Variants in CDC42BPA observed in about 807,000 individuals in gnomAD.
CDC42BPA encodes serine/threonine-protein kinase MRCK alpha.
In CDC42BPA, 80 loss-of-function variants were observed where a neutral mutation model predicts 223.5. That is an observed-to-expected ratio of 0.36 (90% confidence interval 0.30 to 0.43). CDC42BPA has a LOEUF of 0.43. Ranked by LOEUF, CDC42BPA falls within the 20% of genes least tolerant of loss-of-function variation. The pLI is 1.00. For synonymous variants in CDC42BPA, 694 were observed against 718.6 expected, an observed-to-expected ratio of 0.97 and a Z score of 0.55; for missense variants, 1,743 against 2,099.9, an observed-to-expected ratio of 0.83 and a Z score of 3.32.
intron 34 of CDC42BPA, among the ~76,000 whole-genome samples, chr1:227,010,485 T>C (rs1664959345): frequency 1.3e-5 from 2 of 152,214 alleles, no homozygotes; most frequent in Non-Finnish European, 2.9e-5. Context: ...AACATTTCAC[T>C]GAATTGAACT....
intron 5 of CDC42BPA, among the ~76,000 whole-genome samples, chr1:227,171,553 G>C (rs140753521): frequency 4.6e-5 from 7 of 152,214 alleles, no homozygotes; most frequent in Non-Finnish European, 7.4e-5. Flanking sequence ...GGAGGTCAAA[G>C]CTGTAGTGAG....
rs1183824259 is a variant in CDC42BPA, at chr1:226,991,512, CT to C, written c.*2755del. ...AAAACCCTCCCCAAAACTATTCCCC[CT>C]GGCAGTGTTTCTCTCCTAAAGCCCT... On this transcript the variant is annotated 3_prime_UTR_variant, in exon 37 of 37. Transcript: ENST00000366766. 5.3e-5 allele frequency: 8 copies of C among 152,212 alleles called. No homozygotes were observed. Among genetic ancestry groups the C allele is most frequent in the African/African-American group, 1.4e-4 (6 of 41,434 alleles). 9.4% of individuals were successfully genotyped at this position (152,212 alleles called of 1,614,324 possible). A position where few individuals can be genotyped will look rare whatever the true frequency, so the allele number is the denominator to read the frequency against.
At chr1:227,223,863 A>G (rs966275619) in intron 2 of CDC42BPA, among the ~76,000 whole-genome samples, 1 of 152,224 alleles carries the variant, frequency 6.6e-6, no homozygotes, top group Non-Finnish European at 1.5e-5. Context: ...TCACGCAGTC[A>G]TGAGGGCAAA....
intron 11 of CDC42BPA, among the ~76,000 whole-genome samples, chr1:227,128,607 T>C (rs1002884346): frequency 1.8e-4 from 28 of 152,198 alleles, no homozygotes; most frequent in African/African-American, 6.3e-4. Context: ...ATAATAGGTA[T>C]ACGAACACTT....
At chr1:227,138,592 T>G (rs1659099020) in intron 10 of CDC42BPA, among the ~76,000 whole-genome samples, 2 of 149,160 alleles carry the variant, frequency 1.3e-5, no homozygotes. Context: ...TGCTGATAGG[T>G]TAAAAGGTGA....
At chr1:227,051,307 A>G (rs1161680986) in intron 22 of CDC42BPA, among the ~76,000 whole-genome samples, 1 of 152,212 alleles carries the variant, frequency 6.6e-6, no homozygotes, top group Non-Finnish European at 1.5e-5. Context: ...TGACTTGTGG[A>G]AGAAATGATC....
chr1:227,292,780 C>T (rs1015496595), intron 1 of CDC42BPA, among the ~76,000 whole-genome samples: 5 of 152,164 alleles, frequency 3.3e-5, no homozygotes, highest in Non-Finnish European at 5.9e-5. Flanking sequence ...ACAAGGTAGA[C>T]ATTCAATAAT....
At chr1:227,178,156 C>CTGTG (rs1667287774) in intron 5 of CDC42BPA, among the ~76,000 whole-genome samples, 2 of 152,208 alleles carry the variant, frequency 1.3e-5, no homozygotes, top group Admixed American at 6.5e-5. Context: ...TGGTTTAGCT[C>CTGTG]TGTGTCCCCA....
intron 1 of CDC42BPA, among the ~76,000 whole-genome samples, chr1:227,273,227 G>C (rs1018918429): frequency 2.0e-5 from 3 of 151,586 alleles, no homozygotes; most frequent in African/African-American, 7.3e-5. Context: ...GAACCCGGGA[G>C]GCAGAGGTTG....
chr1:227,056,198 C>T (rs1674515553), intron 21 of CDC42BPA, among the ~76,000 whole-genome samples: 1 of 152,036 alleles, frequency 6.6e-6, no homozygotes, highest in South Asian at 2.1e-4. Flanking sequence ...TTTTCTACTG[C>T]CTAAATAATT....
intron 20 of CDC42BPA, 111 bp downstream of exon 20, chr1:227,072,097 T>G (rs1227254979): frequency 1.6e-6 from 1 of 609,816 alleles, no homozygotes; most frequent in Non-Finnish European, 2.9e-6. Flanking sequence ...AGTGCCAGAA[T>G]TGCTTATGTC....
intron 1 of CDC42BPA, among the ~76,000 whole-genome samples, chr1:227,308,021 G>T (rs955971832): frequency 1.3e-5 from 2 of 152,066 alleles, no homozygotes; most frequent in Non-Finnish European, 2.9e-5. Context: ...TATCCTGTAA[G>T]ATTTTTTTGC....
chr1:227,108,198 C>G (rs188487217), intron 14 of CDC42BPA, among the ~76,000 whole-genome samples: 161 of 152,132 alleles, frequency 1.1e-3, no homozygotes, highest in African/African-American at 3.8e-3. Flanking sequence ...GTGATTTTTA[C>G]TTTCTTCCCT....
At position 227,149,516 on chromosome 1, in the gene CDC42BPA, A is replaced by C. The variant is rs569682782; in HGVS notation, c.694-1957T>G. ...CCAACAAACAGAACAATAGATCCCT[A>C]ACAACAATCAGATCCACTCTATGAA... On this transcript the variant is annotated intron_variant, in intron 6 of 36. Transcript: ENST00000366766. Among the ~76,000 whole-genome samples, 23 of 152,344 alleles carry C rather than the reference A, an allele frequency of 1.5e-4. 1 individual carries two copies. The South Asian group carries it at 4.8e-3, about 32-fold the overall frequency.
At chr1:227,180,386 CCTCT>C (rs1667736611) in intron 5 of CDC42BPA, 1 of 152,002 alleles carries the variant, frequency 6.6e-6, no homozygotes, top group African/African-American at 2.4e-5. Flanking sequence ...AAACTGTTAT[CCTCT>C]CTAATACACA....
intron 1 of CDC42BPA, among the ~76,000 whole-genome samples, chr1:227,284,247 A>G (rs1025242764): frequency 6.6e-6 from 1 of 152,170 alleles, no homozygotes; most frequent in Non-Finnish European, 1.5e-5. Flanking sequence ...CATTTCCTAA[A>G]AAGTAATGAT....
rs1661078276 is a variant in CDC42BPA at position 226,994,032 on chromosome 1, G to A, written c.*236C>T. ...TTACTGAAAGCAACTCTAAGTGCAT[G>A]GAATGAAATCAACGTTAATCTAAGC... is the stretch of plus-strand genomic sequence containing the variant. On this transcript the variant is annotated 3_prime_UTR_variant, in exon 37 of 37. Transcript: ENST00000366766. This position sits in a 1 kb window ranked among gnomAD's most constrained non-coding sequence, Gnocchi z 4.0. 2.1e-6 allele frequency: 1 copy of A among 478,248 alleles called. No homozygotes were observed. The highest frequency in any genetic ancestry group is 3.8e-6 in the Non-Finnish European group (1 of 266,144). 29.6% of individuals were successfully genotyped at this position (478,248 alleles called of 1,614,324 possible). A position where few individuals can be genotyped will look rare whatever the true frequency, so the allele number is the denominator to read the frequency against.
At chr1:227,243,519 CAG>C (rs1459248222) in intron 2 of CDC42BPA, among the ~76,000 whole-genome samples, 1 of 151,820 alleles carries the variant, frequency 6.6e-6, no homozygotes, top group Non-Finnish European at 1.5e-5. Flanking sequence ...CAGTCAATAC[CAG>C]AGAGATGAGA....
chr1:227,118,954 G>T (rs1688199943), intron 12 of CDC42BPA, among the ~76,000 whole-genome samples: 1 of 152,002 alleles, frequency 6.6e-6, no homozygotes, highest in South Asian at 2.1e-4. Context: ...CTTTTGATTA[G>T]TTTCATCAGC....
Sources: gnomAD v4.1 joint callset for allele counts (sites outside exome capture counted in the v4.1 genomes callset) on GRCh38, gnomAD v4.1.1 for gene constraint, Gnocchi (gnomAD v3.1) non-coding constraint, MANE v1.5 for transcripts, NCBI Gene and HGNC (gene_info 2026-07-23, HGNC 2026-07-21) for gene names.